Variants in CAMKMT observed in about 807,000 individuals in gnomAD.
CAMKMT encodes the protein CaM KMT.
A neutral mutation model predicts 48.0 loss-of-function variants in CAMKMT; 53 were observed. That is an observed-to-expected ratio of 1.10 (90% confidence interval 0.89 to 1.39). The LOEUF is 1.39. Ranked by LOEUF, CAMKMT falls within the 40% of genes most tolerant of loss-of-function variation. The pLI, the probability that CAMKMT is intolerant of heterozygous loss-of-function variation, is 0.00. For missense variants in CAMKMT, 428 were observed against 402.7 expected (o/e 1.06, Z -0.54); for synonymous variants, 165 against 152.3 (o/e 1.08, Z -0.61).
chr2:44,426,432 G>C (rs1432566882), intron 3 of CAMKMT, among the ~76,000 whole-genome samples: 2 of 152,176 alleles, frequency 1.3e-5, no homozygotes, highest in Admixed American at 1.3e-4. Context: ...TCTGTACCTA[G>C]AAAACCCTGA....
At chr2:44,666,589 G>A (rs1239719474) in intron 3 of CAMKMT, among the ~76,000 whole-genome samples, 1 of 149,794 alleles carries the variant, frequency 6.7e-6, no homozygotes, top group Non-Finnish European at 1.5e-5. Context: ...CTTGTATTTT[G>A]ATCTCCTTTT....
chr2:44,577,803 G>T (rs578194912), intron 3 of CAMKMT, among the ~76,000 whole-genome samples: 2 of 152,222 alleles, frequency 1.3e-5, no homozygotes, highest in South Asian at 2.1e-4. Flanking sequence ...GGAACAGGGG[G>T]CTGCAGTGGA....
chr2:44,461,300 T>C (rs915365634), intron 3 of CAMKMT, among the ~76,000 whole-genome samples: 3 of 152,204 alleles, frequency 2.0e-5, no homozygotes, highest in Admixed American at 6.5e-5. Flanking sequence ...TAATATGTGC[T>C]GGCTCTCTTC....
chr2:44,530,840 A>G (rs1666446671), intron 3 of CAMKMT, among the ~76,000 whole-genome samples: 1 of 152,022 alleles, frequency 6.6e-6, no homozygotes, highest in Non-Finnish European at 1.5e-5. Context: ...AAAAATGTCC[A>G]CTATTTATGA....
chr2:44,454,342 C>A (rs564877593), intron 3 of CAMKMT, among the ~76,000 whole-genome samples: 1 of 152,052 alleles, frequency 6.6e-6, no homozygotes, highest in African/African-American at 2.4e-5. Context: ...CATTACTCAA[C>A]GAAATCTGGG....
intron 3 of CAMKMT, among the ~76,000 whole-genome samples, chr2:44,610,924 G>T (rs1039709909): frequency 6.6e-6 from 1 of 152,124 alleles, no homozygotes; most frequent in Non-Finnish European, 1.5e-5. Flanking sequence ...GAGAATGGAA[G>T]GGCTTAAAGC....
At chr2:44,475,235 G>A (rs1473066678) in intron 3 of CAMKMT, among the ~76,000 whole-genome samples, 1 of 152,084 alleles carries the variant, frequency 6.6e-6, no homozygotes, top group African/African-American at 2.4e-5. Context: ...TTAGTAAGTG[G>A]TTGGACTTGT....
intron 9 of CAMKMT, among the ~76,000 whole-genome samples, chr2:44,764,812 A>G (rs1265657707): frequency 1.3e-5 from 2 of 152,162 alleles, no homozygotes; most frequent in African/African-American, 4.8e-5. Context: ...TATCATTATC[A>G]TTGTCATCAC....
intron 3 of CAMKMT, among the ~76,000 whole-genome samples, chr2:44,646,645 A>G (rs958567715): frequency 6.6e-6 from 1 of 152,182 alleles, no homozygotes; most frequent in African/African-American, 2.4e-5. Flanking sequence ...AAATCTTCCC[A>G]CAAGAAACTT....
At chr2:44,751,389 A>G (rs946548193) in intron 8 of CAMKMT, among the ~76,000 whole-genome samples, 3 of 152,178 alleles carry the variant, frequency 2.0e-5, no homozygotes, top group Non-Finnish European at 4.4e-5. Context: ...CAGCCCTGCC[A>G]ATTAGTAGCT....
chr2:44,581,529 A>G (rs1669562560), intron 3 of CAMKMT, among the ~76,000 whole-genome samples: 1 of 152,252 alleles, frequency 6.6e-6, no homozygotes, highest in African/African-American at 2.4e-5. Flanking sequence ...TAAAAAATAA[A>G]GACCTCAATG....
chr2:44,586,144 T>C (rs1250806419), intron 3 of CAMKMT, among the ~76,000 whole-genome samples: 2 of 152,236 alleles, frequency 1.3e-5, no homozygotes, highest in Admixed American at 6.5e-5. Context: ...ATAGGCAGCC[T>C]TCTGCCCAAG....
Position 44,679,627 on chromosome 2 carries a change from G to A in CAMKMT, c.377-24656G>A, listed in dbSNP as rs559152069. Among the ~76,000 whole-genome samples, 11 of 152,324 alleles carry A rather than the reference G, an allele frequency of 7.2e-5. No homozygotes were observed. In the South Asian group the frequency reaches 2.3e-3, roughly 32 times the overall value. On this transcript the variant is annotated intron_variant, in intron 3 of 10. Coordinates refer to ENST00000378494, the MANE Select transcript of CAMKMT (RefSeq NM_024766.5). ...GCCATGTCAGAAAACTAATTTTAAC[G>A]TTAACAATGAGTTGAGTATTCTTAT...
chr2:44,534,209 C>G (rs1162855871), intron 3 of CAMKMT, among the ~76,000 whole-genome samples: 1 of 152,038 alleles, frequency 6.6e-6, no homozygotes, highest in African/African-American at 2.4e-5. Flanking sequence ...CACTGGAGCA[C>G]CCAGATTATA....
At chr2:44,637,543 A>G (rs1415883883) in intron 3 of CAMKMT, among the ~76,000 whole-genome samples, 1 of 152,148 alleles carries the variant, frequency 6.6e-6, no homozygotes, top group African/African-American at 2.4e-5. Context: ...TCAGCCTAAA[A>G]TAGCAAATTT....
At chr2:44,487,193 C>T (rs1053166237) in intron 3 of CAMKMT, among the ~76,000 whole-genome samples, 1 of 151,944 alleles carries the variant, frequency 6.6e-6, no homozygotes, top group Non-Finnish European at 1.5e-5. Flanking sequence ...TTAGAACAAA[C>T]TACTTTTCTC....
intron 3 of CAMKMT, among the ~76,000 whole-genome samples, chr2:44,542,932 C>A (rs1667209546): frequency 6.6e-6 from 1 of 152,204 alleles, no homozygotes; most frequent in Non-Finnish European, 1.5e-5. Flanking sequence ...TTAGACTTTA[C>A]TTCCCTTCAT....
intron 3 of CAMKMT, among the ~76,000 whole-genome samples, chr2:44,406,804 G>T (rs1682812389): frequency 6.6e-6 from 1 of 152,092 alleles, no homozygotes; most frequent in Non-Finnish European, 1.5e-5. Context: ...TCTCCATGTT[G>T]CCCAGCCAGG....
chr2:44,729,029 A>G (rs1678946036), intron 7 of CAMKMT, among the ~76,000 whole-genome samples: 5 of 151,756 alleles, frequency 3.3e-5, no homozygotes, highest in Admixed American at 3.3e-4. Context: ...TTTTTAAAAA[A>G]AAAAAGCCAT....
Sources: gnomAD v4.1 joint callset for allele counts (sites outside exome capture counted in the v4.1 genomes callset) on GRCh38, gnomAD v4.1.1 for gene constraint, MANE v1.5 for transcripts, NCBI Gene and HGNC (gene_info 2026-07-23, HGNC 2026-07-21) for gene names.